Variants in ATP8A2 observed in about 807,000 individuals in gnomAD.
ATP8A2 encodes phospholipid-transporting ATPase IB.
A neutral mutation model predicts 165.6 loss-of-function variants in ATP8A2; 100 were observed. The observed-to-expected ratio is 0.60, with a 90% confidence interval of 0.51 to 0.71. ATP8A2 has a LOEUF of 0.71. Among genes scored for constraint, ATP8A2 ranks in the 30% least tolerant of loss-of-function variants. The probability of loss-of-function intolerance (pLI) is 0.00; values close to 1 mark genes in which losing one functional copy is unlikely to be tolerated. For missense variants in ATP8A2, 1,227 were observed against 1,479.5 expected (o/e 0.83, Z 2.80); for synonymous variants, 543 against 548.8 (o/e 0.99, Z 0.15).
chr13:25,577,258 T>G, intron 20 of ATP8A2, 120 bp downstream of exon 20: 1 of 880,602 alleles, frequency 1.1e-6, no homozygotes, highest in Non-Finnish European at 1.9e-6. Flanking sequence ...AAAGACTGTT[T>G]CAGGTAGGCT....
In ATP8A2 at chr13:25,946,050, C is replaced by T. The variant is rs151177237; in HGVS notation, c.3184-15525C>T. On this transcript the variant is annotated intron_variant, in intron 33 of 36. Transcript: ENST00000381655. The stretch of plus-strand genomic sequence containing the variant: ...CAGCTGACCAGGCTAGGCAGGACAG[C>T]CCTGTGAGGCAGTCTTGATTTTACA... Among the ~76,000 whole-genome samples the T allele has an allele frequency of 8.1e-3, 1,236 of 152,256 alleles. 13 individuals are homozygous for T. The highest frequency in any genetic ancestry group is 0.027 in the African/African-American group (1,107 of 41,542).
intron 33 of ATP8A2, among the ~76,000 whole-genome samples, chr13:25,952,413 C>T (rs554043174): frequency 2.9e-4 from 44 of 151,072 alleles, no homozygotes; most frequent in Middle Eastern, 3.4e-3. Flanking sequence ...GATAGGGTCA[C>T]TCTGTCACCT....
chr13:25,514,504 A>T (rs1420197493), intron 2 of ATP8A2, among the ~76,000 whole-genome samples: 1 of 152,178 alleles, frequency 6.6e-6, no homozygotes, highest in Non-Finnish European at 1.5e-5. Flanking sequence ...ACTTTTAGAC[A>T]TGAGTGTATG....
At position 26,022,445 on chromosome 13, in the gene ATP8A2, G is replaced by A. The variant is rs551053540; in HGVS notation, c.*2460G>A. ...TTACATTAGAGTTCATATTTTCTGGGATTTAAGGATACAGGTGTATTTTCC... is the reference window on the plus strand; with the variant it reads ...TTACATTAGAGTTCATATTTTCTGGAATTTAAGGATACAGGTGTATTTTCC... On this transcript the variant is annotated 3_prime_UTR_variant, in exon 37 of 37. Transcript: ENST00000381655. 6.6e-6 allele frequency: 1 copy of A among 152,282 alleles called. No individual in the cohort carries two copies. The highest frequency in any genetic ancestry group is 2.4e-5 in the African/African-American group (1 of 41,562). The allele number at this position is 152,282 out of a possible 1,614,324, so 9.4% of individuals were successfully genotyped here.
intron 36 of ATP8A2, among the ~76,000 whole-genome samples, chr13:26,013,858 C>T (rs762555270): frequency 6.6e-6 from 1 of 152,152 alleles, no homozygotes; most frequent in African/African-American, 2.4e-5. Flanking sequence ...CAGTAATCTA[C>T]CCCCTGTCCT....
At chr13:25,783,113 TC>T (rs1202060945) in intron 27 of ATP8A2, among the ~76,000 whole-genome samples, 2 of 152,324 alleles carry the variant, frequency 1.3e-5, no homozygotes, top group African/African-American at 4.8e-5. Context: ...TATTTTTTTT[TC>T]CTGTGGTTGT....
intron 35 of ATP8A2, among the ~76,000 whole-genome samples, chr13:25,974,313 A>G (rs4770890): frequency 0.26 from 39,781 of 152,246 alleles, 5,910 homozygotes; most frequent in East Asian, 0.51. Flanking sequence ...CGTGTTTACC[A>G]TCTAACATGT....
chr13:25,850,901 C>T lies in ATP8A2; in HGVS notation c.2957-9294C>T, dbSNP rs80236097. Reference sequence around the variant, plus strand: ...TGGCAGGTTTTAACAAGAAACGACACCCACAGGTGTTTGCCTCTAAAACTG... The same window carrying T: ...TGGCAGGTTTTAACAAGAAACGACATCCACAGGTGTTTGCCTCTAAAACTG... On this transcript the variant is annotated intron_variant, in intron 30 of 36. Coordinates refer to ENST00000381655, the MANE Select transcript of ATP8A2 (RefSeq NM_016529.6). 9.0e-3 allele frequency among the ~76,000 whole-genome samples: 1,372 copies of T among 152,290 alleles called. 20 individuals are homozygous for T. The highest frequency in any genetic ancestry group is 0.031 in the Middle Eastern group (9 of 294).
chr13:26,008,148 C>T (rs192783999), intron 35 of ATP8A2, among the ~76,000 whole-genome samples: 43 of 152,158 alleles, frequency 2.8e-4, no homozygotes, highest in African/African-American at 8.9e-4. Flanking sequence ...CTAGAGCACA[C>T]ACAGGAAATG....
At chr13:25,983,474 C>T (rs1231020490) in intron 35 of ATP8A2, among the ~76,000 whole-genome samples, 1 of 152,164 alleles carries the variant, frequency 6.6e-6, no homozygotes, top group Non-Finnish European at 1.5e-5. Flanking sequence ...ATAATACCTG[C>T]TGAGCAAGTA....
At chr13:26,005,803 G>T (rs1956726312) in intron 35 of ATP8A2, among the ~76,000 whole-genome samples, 1 of 151,980 alleles carries the variant, frequency 6.6e-6, no homozygotes, top group Non-Finnish European at 1.5e-5. Flanking sequence ...TCACATCCAT[G>T]TCAAAAATTA....
chr13:25,938,471 C>T (rs1181747097), intron 33 of ATP8A2, among the ~76,000 whole-genome samples: 1 of 152,214 alleles, frequency 6.6e-6, no homozygotes, highest in Non-Finnish European at 1.5e-5. Flanking sequence ...TGTAAATTAA[C>T]CCCATTGCAC....
intron 25 of ATP8A2, among the ~76,000 whole-genome samples, chr13:25,723,043 T>C (rs7336179): frequency 0.096 from 14,562 of 152,298 alleles, 754 homozygotes; most frequent in African/African-American, 0.12. Flanking sequence ...TAAAGTTCCA[T>C]TGTATGAATT....
intron 1 of ATP8A2, among the ~76,000 whole-genome samples, chr13:25,381,435 A>T (rs528009013): frequency 6.6e-6 from 1 of 152,352 alleles, no homozygotes; most frequent in Non-Finnish European, 1.5e-5. Context: ...TTCAAATACC[A>T]TTAGGTTGTG....
intron 28 of ATP8A2, among the ~76,000 whole-genome samples, chr13:25,835,847 C>T (rs1262408062): frequency 6.6e-6 from 1 of 152,140 alleles, no homozygotes; most frequent in Non-Finnish European, 1.5e-5. Context: ...AGCCAGCCAC[C>T]ATCCTGTGTA....
intron 4 of ATP8A2, among the ~76,000 whole-genome samples, chr13:25,531,281 T>TATATATGA (rs2038057031): frequency 1.5e-4 from 4 of 27,578 alleles, no homozygotes; most frequent in African/African-American, 2.7e-4. Flanking sequence ...GATATATATG[T>TATATATGA]TATATATGAT....
At chr13:25,791,420 T>G (rs1422444577) in intron 27 of ATP8A2, among the ~76,000 whole-genome samples, 2 of 151,516 alleles carry the variant, frequency 1.3e-5, no homozygotes, top group Non-Finnish European at 1.5e-5. Flanking sequence ...TCAGGAAAAA[T>G]AACTAATGGG....
intron 25 of ATP8A2, 91 bp from the exon 26 acceptor site, chr13:25,768,955 T>A (rs2044554940): frequency 1.6e-6 from 2 of 1,242,924 alleles, no homozygotes; most frequent in African/African-American, 3.0e-5. Flanking sequence ...GATCGTCCAG[T>A]AACTGTCCTT....
At chr13:25,502,723 A>T (rs2036893337) in intron 2 of ATP8A2, among the ~76,000 whole-genome samples, 1 of 152,146 alleles carries the variant, frequency 6.6e-6, no homozygotes, top group Admixed American at 6.5e-5. Context: ...CTCAGATGTG[A>T]CTGTGTGTGC....
Sources: allele counts gnomAD v4.1 joint callset (sites outside exome capture counted in the v4.1 genomes callset), GRCh38; gene constraint gnomAD v4.1.1; transcripts MANE v1.5; gene names NCBI Gene and HGNC (gene_info 2026-07-23, HGNC 2026-07-21).